The following MSRB3 variants were observed in gnomAD, a reference collection of about 807,000 sequenced individuals.
The protein encoded by MSRB3 is methionine-R-sulfoxide reductase B3.
Under a neutral mutation model 21.0 loss-of-function variants are expected in MSRB3, and 13 were observed. That is an observed-to-expected ratio of 0.62 (90% CI 0.40 to 0.98). The LOEUF (loss-of-function observed/expected upper bound fraction) is 0.98. Among genes scored for constraint, MSRB3 ranks in the 50% least tolerant of loss-of-function variants. MSRB3 has a pLI of 0.00. For missense variants in MSRB3, 199 were observed against 230.3 expected (o/e 0.86, Z 0.88); for synonymous variants, 87 against 88.6 (o/e 0.98, Z 0.10).
At chr12:65,447,126 C>T (rs1211617467) in intron 5 of MSRB3, among the ~76,000 whole-genome samples, 1 of 152,166 alleles carries the variant, frequency 6.6e-6, no homozygotes, top group African/African-American at 2.4e-5. Flanking sequence ...TGTCCATCAG[C>T]AAGTGATGAC....
At position 65,446,527 on chromosome 12, in the gene MSRB3, T is replaced by TA. The variant is rs924734551; in HGVS notation, c.293-7191dup. On this transcript the variant is annotated intron_variant, in intron 5 of 6. Coordinates refer to ENST00000308259, the MANE Select transcript of MSRB3 (RefSeq NM_001031679.3). Reference sequence around the variant, plus strand: ...GAAGAGACTAAAGTCTGCAGTTTATTAAAAAAAAAATCTTGCCTTCTTATT... The same window carrying TA: ...GAAGAGACTAAAGTCTGCAGTTTATTAAAAAAAAAAATCTTGCCTTCTTATT... 9.3e-5 allele frequency among the ~76,000 whole-genome samples: 14 copies of TA among 150,420 alleles called. No homozygotes were observed. The East Asian group carries it at 9.7e-4, about 10-fold the overall frequency.
intron 5 of MSRB3, among the ~76,000 whole-genome samples, chr12:65,375,888 C>T (rs949805545): frequency 5.3e-5 from 8 of 150,908 alleles, no homozygotes; most frequent in Non-Finnish European, 1.0e-4. Flanking sequence ...AGAATTTGGC[C>T]TTACTACTTT....
intron 2 of MSRB3, chr12:65,308,922 C>T (rs77762027): frequency 9.8e-6 from 5 of 512,132 alleles, no homozygotes; most frequent in Non-Finnish European, 1.8e-5. Context: ...CTTTAATGCA[C>T]ACTACACATC....
intron 5 of MSRB3, among the ~76,000 whole-genome samples, chr12:65,404,009 T>C (rs1268491890): frequency 6.6e-6 from 1 of 152,212 alleles, no homozygotes; most frequent in African/African-American, 2.4e-5. Context: ...GCCTTCTGCA[T>C]TGATCTCGCT....
At chr12:65,460,076 A>G (rs1270406636) in intron 6 of MSRB3, among the ~76,000 whole-genome samples, 1 of 152,236 alleles carries the variant, frequency 6.6e-6, no homozygotes, top group African/African-American at 2.4e-5. Flanking sequence ...ACCATTAAAA[A>G]CAACATTCAA....
intron 6 of MSRB3, 87 bp from the exon 7 acceptor site, chr12:65,463,068 G>C: frequency 1.4e-6 from 2 of 1,469,262 alleles, no homozygotes; most frequent in Non-Finnish European, 1.9e-6. Flanking sequence ...CTACAGGCTG[G>C]TCATCCATTT....
intron 2 of MSRB3, among the ~76,000 whole-genome samples, chr12:65,318,093 A>AT (rs796902085): frequency 2.4e-4 from 36 of 149,580 alleles, no homozygotes; most frequent in Middle Eastern, 3.5e-3. Flanking sequence ...AGTAAAGTGG[A>AT]TTTTTTTTTT....
chr12:65,434,231 C>A lies in MSRB3; in HGVS notation c.293-19497C>A, dbSNP rs558510533. 2.5e-3 allele frequency among the ~76,000 whole-genome samples: 385 copies of A among 152,000 alleles called. 1 individual carries two copies. The highest frequency in any genetic ancestry group is 4.4e-3 in the Non-Finnish European group (302 of 67,876). On this transcript the variant is annotated intron_variant, in intron 5 of 6. Transcript: ENST00000308259. The stretch of plus-strand genomic sequence containing the variant: ...TCATTTCAAGTTCTTGACTCAACCC[C>A]CTAATTTCAGTCCAGCTCCTTTGGA...
chr12:65,429,369 G>T (rs1003460522), intron 5 of MSRB3, among the ~76,000 whole-genome samples: 2 of 152,088 alleles, frequency 1.3e-5, no homozygotes, highest in Admixed American at 1.3e-4. Flanking sequence ...GCTTGGGGGA[G>T]TGTTCAAAGC....
At chr12:65,433,389 C>G (rs1881973019) in intron 5 of MSRB3, among the ~76,000 whole-genome samples, 1 of 151,604 alleles carries the variant, frequency 6.6e-6, no homozygotes. Flanking sequence ...CTTTTTTCTC[C>G]AAGTTCCTCT....
intron 2 of MSRB3, among the ~76,000 whole-genome samples, chr12:65,318,005 G>C (rs1054344711): frequency 1.3e-5 from 2 of 152,112 alleles, no homozygotes; most frequent in African/African-American, 2.4e-5. Context: ...TGTGAGCACT[G>C]TCTCTCAAGA....
chr12:65,339,373 C>T (rs528238234), intron 4 of MSRB3, among the ~76,000 whole-genome samples: 1 of 152,332 alleles, frequency 6.6e-6, no homozygotes, highest in Non-Finnish European at 1.5e-5. Context: ...TTGTTGAGAA[C>T]AGCTGATCTA....
At chr12:65,353,773 G>A (rs1048133339) in intron 4 of MSRB3, among the ~76,000 whole-genome samples, 10 of 152,148 alleles carry the variant, frequency 6.6e-5, no homozygotes, top group Non-Finnish European at 1.3e-4. Context: ...TCATTATGAT[G>A]TTAGCTGGTG....
chr12:65,374,281 A>T (rs1189918265), intron 5 of MSRB3, among the ~76,000 whole-genome samples: 1 of 152,308 alleles, frequency 6.6e-6, no homozygotes, highest in East Asian at 1.9e-4. Context: ...TTATCAGCAG[A>T]AATAAGAAAA....
chr12:65,279,108 C>G lies in MSRB3; in HGVS notation c.-52+243C>G, dbSNP rs572194526. On this transcript the variant is annotated intron_variant, in intron 1 of 6. Coordinates refer to ENST00000308259, the MANE Select transcript of MSRB3 (RefSeq NM_001031679.3). ...TTTCCCCCCACCCGCCGAAGGGAGGCGTCTGGCAGCCTCACTGACACCTTA... is the reference window on the plus strand; with the variant it reads ...TTTCCCCCCACCCGCCGAAGGGAGGGGTCTGGCAGCCTCACTGACACCTTA... 3.6e-6 allele frequency: 5 copies of G among 1,381,380 alleles called. No homozygotes were observed. In the African/African-American group the frequency reaches 7.5e-5, roughly 21 times the overall value. The allele number at this position is 1,381,380 out of a possible 1,614,324, so 85.6% of individuals were successfully genotyped here.
intron 2 of MSRB3, among the ~76,000 whole-genome samples, chr12:65,315,468 G>A (rs1403022041): frequency 6.6e-6 from 1 of 151,968 alleles, no homozygotes; most frequent in East Asian, 1.9e-4. Flanking sequence ...CCAGGAGTTT[G>A]AGACCAGCCT....
At chr12:65,383,676 T>G (rs1055516812) in intron 5 of MSRB3, among the ~76,000 whole-genome samples, 1 of 151,630 alleles carries the variant, frequency 6.6e-6, no homozygotes, top group African/African-American at 2.4e-5. Flanking sequence ...TTTTTTTTTT[T>G]TTGAGATGGA....
rs77987898 is a variant in MSRB3, at chr12:65,461,771, A to G, written c.391-1384A>G. On this transcript the variant is annotated intron_variant, in intron 6 of 6. Coordinates refer to ENST00000308259, the MANE Select transcript of MSRB3 (RefSeq NM_001031679.3). The stretch of plus-strand genomic sequence containing the variant: ...AGTGTTTTATACACCAAATCAGCAC[A>G]GTGAGAATTAACAAATCATTGATAT... Among the ~76,000 whole-genome samples the G allele has an allele frequency of 3.3e-5, 5 of 152,324 alleles. No individual in the cohort carries two copies. In the East Asian group the frequency reaches 5.8e-4, roughly 18 times the overall value.
intron 5 of MSRB3, among the ~76,000 whole-genome samples, chr12:65,452,969 T>C (rs1298546750): frequency 6.6e-6 from 1 of 152,188 alleles, no homozygotes; most frequent in Non-Finnish European, 1.5e-5. Flanking sequence ...AAAACCTGAC[T>C]GTACACTCAA....
Sources: allele counts gnomAD v4.1 joint callset (sites outside exome capture counted in the v4.1 genomes callset), GRCh38; gene constraint gnomAD v4.1.1; transcripts MANE v1.5; gene names NCBI Gene and HGNC (gene_info 2026-07-23, HGNC 2026-07-21).